Variants in CA10 observed in about 807,000 individuals in gnomAD.
CA10 encodes the protein carbonic anhydrase-related protein 10.
In CA10, 14 loss-of-function variants were observed where a neutral mutation model predicts 44.2. The observed-to-expected ratio is 0.32, with a 90% CI of 0.21 to 0.50. CA10 has a LOEUF of 0.50. Ranked by LOEUF, CA10 falls within the 20% of genes least tolerant of loss-of-function variation. The pLI is 0.99. For synonymous variants in CA10, 159 were observed against 141.6 expected, an observed-to-expected ratio of 1.12 and a Z score of -0.87; for missense variants, 350 against 409.7, an observed-to-expected ratio of 0.85 and a Z score of 1.26.
rs897587100 is a variant in CA10 at position 51,841,378 on chromosome 17, C to A, written c.279+89612G>T. Among the ~76,000 whole-genome samples the A allele has an allele frequency of 2.6e-5, 4 of 152,310 alleles. No individual in the cohort carries two copies. The East Asian group carries it at 7.7e-4, about 29-fold the overall frequency. ...TTGTCTCTAACTCTGGCAGCATCTT[C>A]CCCAGTAAACCAGTGTGCAAAAGAG... On this transcript the variant is annotated intron_variant, in intron 3 of 8. Coordinates refer to ENST00000451037, the MANE Select transcript of CA10 (RefSeq NM_020178.5).
chr17:52,046,141 T>A (rs1345046762), intron 2 of CA10, among the ~76,000 whole-genome samples: 1 of 151,828 alleles, frequency 6.6e-6, no homozygotes, highest in Admixed American at 6.6e-5. Flanking sequence ...GCAAGGTTTT[T>A]AGCTTTCAGC....
chr17:52,104,250 T>C (rs1486148148), intron 1 of CA10, among the ~76,000 whole-genome samples: 3 of 151,386 alleles, frequency 2.0e-5, no homozygotes, highest in South Asian at 2.1e-4. Context: ...TAGGCTGAAG[T>C]GCAGTGGCAC....
chr17:51,841,535 A>C (rs76899275), intron 3 of CA10, among the ~76,000 whole-genome samples: 3 of 152,186 alleles, frequency 2.0e-5, no homozygotes, highest in Non-Finnish European at 4.4e-5. Context: ...ACTCCAATAA[A>C]TAGGATAAAT....
At chr17:51,757,279 G>GA (rs951964532) in intron 3 of CA10, among the ~76,000 whole-genome samples, 1 of 151,630 alleles carries the variant, frequency 6.6e-6, no homozygotes. Flanking sequence ...ATCGACGCAA[G>GA]AAAAAAAAAT....
intron 6 of CA10, among the ~76,000 whole-genome samples, chr17:51,641,921 T>A (rs1480231556): frequency 6.6e-6 from 1 of 152,172 alleles, no homozygotes; most frequent in Admixed American, 6.5e-5. Flanking sequence ...ACTATTCCAA[T>A]GAGAACAAGG....
At chr17:51,751,408 T>G (rs1218004420) in intron 3 of CA10, among the ~76,000 whole-genome samples, 3 of 152,142 alleles carry the variant, frequency 2.0e-5, no homozygotes, top group African/African-American at 7.2e-5. Flanking sequence ...CTTAAAATGG[T>G]TAAGATGGTA....
At chr17:52,070,003 C>T (rs1213934136) in intron 2 of CA10, among the ~76,000 whole-genome samples, 1 of 152,134 alleles carries the variant, frequency 6.6e-6, no homozygotes, top group African/African-American at 2.4e-5. Flanking sequence ...CATTGTTTGC[C>T]ACAAGTACCC....
chr17:52,030,586 C>T (rs1423467192), intron 2 of CA10, among the ~76,000 whole-genome samples: 2 of 152,118 alleles, frequency 1.3e-5, no homozygotes, highest in East Asian at 3.9e-4. Flanking sequence ...ATAAGCAATA[C>T]CTAGAAACTT....
upstream of CA10, chr17:52,159,627 C>T (rs1019353288): frequency 1.3e-4 from 20 of 152,368 alleles, no homozygotes; most frequent in African/African-American, 4.6e-4. Flanking sequence ...ACACACACAC[C>T]CAGCGCGCGG....
chr17:51,963,217 GA>G (rs1299201486), intron 2 of CA10, among the ~76,000 whole-genome samples: 12 of 151,806 alleles, frequency 7.9e-5, no homozygotes, highest in East Asian at 7.7e-4. Flanking sequence ...CAAAAATTAA[GA>G]AAAAAAATTT....
intron 1 of CA10, among the ~76,000 whole-genome samples, chr17:52,135,631 G>A (rs527403034): frequency 1.9e-4 from 29 of 152,258 alleles, no homozygotes; most frequent in African/African-American, 5.3e-4. Context: ...TCTGGCAAGA[G>A]GCTATGCTTC....
intron 2 of CA10, among the ~76,000 whole-genome samples, chr17:52,069,029 CTGGAGG>C (rs758031031): frequency 1.6e-4 from 24 of 152,318 alleles, no homozygotes; most frequent in Non-Finnish European, 2.9e-4. Context: ...CCTAAGGCTT[CTGGAGG>C]CAGAACTCCC....
intron 6 of CA10, among the ~76,000 whole-genome samples, chr17:51,646,536 G>A (rs1306288577): frequency 6.6e-6 from 1 of 152,154 alleles, no homozygotes; most frequent in Non-Finnish European, 1.5e-5. Context: ...TAGAAGGACA[G>A]AAGCAGGATA....
chr17:51,704,058 T>G (rs1230951986), intron 4 of CA10, among the ~76,000 whole-genome samples: 3 of 152,206 alleles, frequency 2.0e-5, no homozygotes, highest in African/African-American at 7.2e-5. Context: ...TTTCGATTGT[T>G]TCTATGGAAG....
intron 3 of CA10, among the ~76,000 whole-genome samples, chr17:51,876,342 C>A (rs1393489170): frequency 7.1e-6 from 1 of 141,598 alleles, no homozygotes; most frequent in Non-Finnish European, 1.5e-5. Context: ...ACTTTTTTTT[C>A]ATCTTTTTTT....
At chr17:52,073,271 T>A (rs1033821638) in intron 1 of CA10, among the ~76,000 whole-genome samples, 1 of 152,288 alleles carries the variant, frequency 6.6e-6, no homozygotes, top group African/African-American at 2.4e-5. Flanking sequence ...TTCAAAGTTC[T>A]AGGGAAAAGA....
intron 2 of CA10, among the ~76,000 whole-genome samples, chr17:52,056,986 G>A (rs1031776733): frequency 1.3e-5 from 2 of 152,034 alleles, no homozygotes; most frequent in Admixed American, 6.6e-5. Flanking sequence ...TTAGAGACAC[G>A]ACTTGGCCTA....
intron 3 of CA10, among the ~76,000 whole-genome samples, chr17:51,904,278 A>C (rs1463099946): frequency 2.6e-5 from 4 of 151,924 alleles, no homozygotes; most frequent in Non-Finnish European, 5.9e-5. Context: ...CTCTCCTTTG[A>C]CCAATGTGGA....
At chr17:51,936,617 G>A (rs62070774) in intron 2 of CA10, among the ~76,000 whole-genome samples, 2,007 of 149,648 alleles carry the variant, frequency 0.013, 1 homozygote, top group South Asian at 0.044. Context: ...ATGAGATGGG[G>A]GCTGGCTGGG....
Sources: gnomAD v4.1 joint callset for allele counts (sites outside exome capture counted in the v4.1 genomes callset) on GRCh38, gnomAD v4.1.1 for gene constraint, MANE v1.5 for transcripts, NCBI Gene and HGNC (gene_info 2026-07-23, HGNC 2026-07-21) for gene names.